The following COL4A2 variants were observed in gnomAD, a reference collection of about 807,000 sequenced individuals.
COL4A2 encodes the protein collagen type IV alpha 2 chain.
A neutral mutation model predicts 200.2 loss-of-function variants in COL4A2; 99 were observed. The ratio of observed to expected loss-of-function variants is 0.49; its 90% CI spans 0.42 to 0.58. The LOEUF is 0.58. Ranked by LOEUF, COL4A2 falls within the 20% of genes least tolerant of loss-of-function variation. The pLI is 0.00. For synonymous variants in COL4A2, 897 were observed against 900.6 expected, an observed-to-expected ratio of 1.00 and a Z score of 0.07; for missense variants, 1,950 against 2,314.1, an observed-to-expected ratio of 0.84 and a Z score of 3.23.
chr13:110,366,296 C>T (rs985295179), intron 4 of COL4A2, among the ~76,000 whole-genome samples: 2 of 152,184 alleles, frequency 1.3e-5, no homozygotes, highest in African/African-American at 4.8e-5. Flanking sequence ...TCTGTCTTCC[C>T]TCATGCAGCA....
At chr13:110,343,146 C>T (rs982140157) in intron 3 of COL4A2, among the ~76,000 whole-genome samples, 2 of 152,146 alleles carry the variant, frequency 1.3e-5, no homozygotes, top group Non-Finnish European at 2.9e-5. Context: ...TGTGTGTGGT[C>T]TCTGATTGTC....
intron 3 of COL4A2, among the ~76,000 whole-genome samples, chr13:110,329,606 G>A (rs1875811019): frequency 6.6e-6 from 1 of 152,190 alleles, no homozygotes; most frequent in Admixed American, 6.5e-5. Context: ...ACCAAATACA[G>A]ACAAAGGAAA....
At chr13:110,510,000 G>A (rs9559834) in intron 47 of COL4A2, among the ~76,000 whole-genome samples, 63,630 of 152,078 alleles carry the variant, frequency 0.42, 13,675 homozygotes, top group Non-Finnish European at 0.49. Context: ...TGTGTGCCTC[G>A]TCTGCACTTT....
At chr13:110,405,798 T>C (rs74424395) in intron 4 of COL4A2, among the ~76,000 whole-genome samples, 2,435 of 152,330 alleles carry the variant, frequency 0.016, 26 homozygotes, top group South Asian at 0.026. Context: ...TTCCCACTAG[T>C]AGGTGGCCTT....
At chr13:110,458,681 C>T (rs1459813276) in intron 21 of COL4A2, 90 bp from the exon 22 acceptor site, 2 of 1,526,000 alleles carry the variant, frequency 1.3e-6, no homozygotes, top group Admixed American at 3.6e-5. Flanking sequence ...CCAAGTGTGC[C>T]ACCCAGCTCT....
At position 110,506,458 on chromosome 13, in the gene COL4A2, A is replaced by T. The variant is rs1487032043; in HGVS notation, c.4446A>T (p.Pro1482=). ...GGAGCCCGGGCCTGCCGGGTATGCC[A>T]GGCCGCAGCGTCAGCATCGGCTACC... ...RPGSPGLPGM[P]GRSVSIGYLL... The change falls in exon 46 of 48, where the codon CCA becomes CCT. Residue 1482 remains proline, a synonymous_variant. Transcript: ENST00000360467. The T allele has an allele frequency of 6.2e-7, 1 of 1,612,760 alleles. No individual in the cohort carries two copies. The highest frequency in any genetic ancestry group is 2.2e-5 in the East Asian group (1 of 44,860).
chr13:110,430,083 CATA>C, intron 8 of COL4A2, 127 bp downstream of exon 8: 1 of 968,922 alleles, frequency 1.0e-6, no homozygotes, highest in Non-Finnish European at 1.5e-6. Flanking sequence ...AGAATGGCGG[CATA>C]ATCTAAAAGT....
At chr13:110,456,508 C>T (rs1455454936) in intron 20 of COL4A2, 1 of 327,422 alleles carries the variant, frequency 3.1e-6, no homozygotes, top group East Asian at 8.6e-5. Context: ...CAATGTTTCT[C>T]AAAAGGAATA....
intron 3 of COL4A2, among the ~76,000 whole-genome samples, chr13:110,327,195 C>T (rs1009979156): frequency 6.6e-6 from 1 of 152,198 alleles, no homozygotes; most frequent in African/African-American, 2.4e-5. Flanking sequence ...TACATCTGCT[C>T]CCTCCCTGGT....
intron 29 of COL4A2, among the ~76,000 whole-genome samples, chr13:110,475,614 G>C (rs982367036): frequency 1.3e-4 from 20 of 152,196 alleles, no homozygotes; most frequent in African/African-American, 4.8e-4. Flanking sequence ...GAATGTTTTG[G>C]ATGGTAAAAA....
chr13:110,380,040 C>A (rs1251836399), intron 4 of COL4A2, among the ~76,000 whole-genome samples: 1 of 152,202 alleles, frequency 6.6e-6, no homozygotes, highest in African/African-American at 2.4e-5. Context: ...GCCAGCTAGT[C>A]CTGTTCTGAG....
intron 16 of COL4A2, 73 bp downstream of exon 16, chr13:110,439,906 G>A: frequency 6.5e-7 from 1 of 1,543,034 alleles, no homozygotes; most frequent in Non-Finnish European, 8.7e-7. Context: ...AATAGGCCTT[G>A]GCATCTCAGG....
intron 3 of COL4A2, among the ~76,000 whole-genome samples, chr13:110,318,226 CT>C (rs1221858015): frequency 6.6e-6 from 1 of 152,198 alleles, no homozygotes; most frequent in East Asian, 1.9e-4. Flanking sequence ...GAATAATTCA[CT>C]CACGAGTTCT....
intron 20 of COL4A2, 75 bp downstream of exon 20, chr13:110,450,529 G>C: frequency 6.5e-7 from 1 of 1,541,752 alleles, no homozygotes; most frequent in Non-Finnish European, 8.9e-7. Flanking sequence ...GATGTTATTT[G>C]GGATTCTCTG....
intron 29 of COL4A2, among the ~76,000 whole-genome samples, chr13:110,474,013 A>G (rs1449316368): frequency 1.3e-5 from 2 of 152,112 alleles, no homozygotes; most frequent in Non-Finnish European, 2.9e-5. Flanking sequence ...TGTAATCCCA[A>G]CTACATGGGA....
rs182004999 is a variant in COL4A2, at chr13:110,454,416, G to A, written c.1340-2927G>A. Among the ~76,000 whole-genome samples the A allele has an allele frequency of 1.0e-3, 158 of 152,270 alleles. 1 individual carries two copies. The highest frequency in any genetic ancestry group is 5.6e-3 in the Admixed American group (85 of 15,294). Reference sequence around the variant, plus strand: ...AATCTCTTTGTCCTGAATGAATGACGTGTCTCAGATTGACAATGGTGACAT... The same window carrying A: ...AATCTCTTTGTCCTGAATGAATGACATGTCTCAGATTGACAATGGTGACAT... On this transcript the variant is annotated intron_variant, in intron 20 of 47. Coordinates refer to ENST00000360467, the MANE Select transcript of COL4A2 (RefSeq NM_001846.4).
At chr13:110,470,206 G>C (rs891848339) in intron 28 of COL4A2, among the ~76,000 whole-genome samples, 2 of 152,176 alleles carry the variant, frequency 1.3e-5, no homozygotes, top group South Asian at 2.1e-4. Flanking sequence ...GTGAGCCACT[G>C]TGCCAGGCCG....
chr13:110,449,932 C>G (rs1347994206), intron 19 of COL4A2, 143 bp downstream of exon 19: 1 of 911,016 alleles, frequency 1.1e-6, no homozygotes, highest in African/African-American at 1.7e-5. Context: ...CTCTAAGGAG[C>G]CCCGCACACA....
intron 30 of COL4A2, among the ~76,000 whole-genome samples, chr13:110,479,711 G>A (rs897832819): frequency 3.3e-5 from 5 of 152,184 alleles, no homozygotes; most frequent in African/African-American, 4.8e-5. Context: ...CGGGGGAGGC[G>A]GGAGGACAGC....
Sources: gnomAD v4.1 joint callset for allele counts (sites outside exome capture counted in the v4.1 genomes callset) on GRCh38, gnomAD v4.1.1 for gene constraint, MANE v1.5 for transcripts, NCBI Gene and HGNC (gene_info 2026-07-23, HGNC 2026-07-21) for gene names.